The following UTP4 variants were observed in gnomAD, a reference collection of about 807,000 sequenced individuals.
UTP4 encodes U3 small nucleolar RNA-associated protein 4 homolog.
Under a neutral mutation model 82.4 loss-of-function variants are expected in UTP4, and 45 were observed. That is an observed-to-expected ratio of 0.55 (90% CI 0.43 to 0.70). UTP4 has a LOEUF of 0.70. Among genes scored for constraint, UTP4 ranks in the 30% least tolerant of loss-of-function variants. The pLI is 0.00. For missense variants in UTP4, 819 were observed against 858.3 expected (o/e 0.95, Z 0.57); for synonymous variants, 348 against 300.3 (o/e 1.16, Z -1.64).
At chr16:69,165,574 T>A in intron 15 of UTP4, 48 bp downstream of exon 15, 1 of 1,509,462 alleles carries the variant, frequency 6.6e-7, no homozygotes, top group Non-Finnish European at 9.2e-7. Flanking sequence ...AATCTTAAAG[T>A]TCTAAAAGCA....
At chr16:69,139,598 T>C (rs1962901817) in intron 4 of UTP4, 1 of 167,436 alleles carries the variant, frequency 6.0e-6, no homozygotes, top group Admixed American at 6.4e-5. Flanking sequence ...GAGATCCCAC[T>C]GCGGCACTCC....
intron 12 of UTP4, among the ~76,000 whole-genome samples, chr16:69,159,242 A>AT (rs938849860): frequency 3.2e-4 from 47 of 147,554 alleles, no homozygotes; most frequent in East Asian, 6.0e-4. Flanking sequence ...ACGCCCAGCT[A>AT]TTTTTTTTTT....
chr16:69,149,511 A>G (rs1322538317), intron 6 of UTP4, among the ~76,000 whole-genome samples: 1 of 151,952 alleles, frequency 6.6e-6, no homozygotes, highest in Non-Finnish European at 1.5e-5. Flanking sequence ...AGATCATGCC[A>G]CTGCCCTCCA....
At chr16:69,153,736 C>A in intron 9 of UTP4, 56 bp downstream of exon 9, 1 of 1,205,396 alleles carries the variant, frequency 8.3e-7, no homozygotes, top group Non-Finnish European at 1.2e-6. Flanking sequence ...AGCCAGAAAT[C>A]AGAATTGCGG....
At chr16:69,139,102 G>A (rs1417056241) in intron 4 of UTP4, 2 of 151,122 alleles carry the variant, frequency 1.3e-5, no homozygotes, top group Non-Finnish European at 2.9e-5. Flanking sequence ...CCTAGTAGCT[G>A]GGACTACAGG....
intron 6 of UTP4, among the ~76,000 whole-genome samples, chr16:69,148,630 T>G (rs1963183201): frequency 2.0e-5 from 3 of 151,236 alleles, no homozygotes; most frequent in African/African-American, 4.9e-5. Context: ...TTTTTTTTTT[T>G]GAGACACGGT....
intron 6 of UTP4, 116 bp downstream of exon 6, chr16:69,143,505 G>T (rs982193953): frequency 4.4e-5 from 41 of 927,576 alleles, no homozygotes; most frequent in Non-Finnish European, 6.0e-5. Context: ...TGTACTGGAG[G>T]AAGATGAGTT....
intron 16 of UTP4, among the ~76,000 whole-genome samples, chr16:69,168,433 CAAAAAAAAAAAAA>C (rs34234554): frequency 1.9e-5 from 1 of 51,604 alleles, no homozygotes; most frequent in Non-Finnish European, 3.8e-5. Context: ...GAGACTGTCT[CAAAAAAAAAAAAA>C]AAAAAAAAAA....
intron 3 of UTP4, among the ~76,000 whole-genome samples, chr16:69,137,306 C>G (rs1962836810): frequency 6.6e-6 from 1 of 152,116 alleles, no homozygotes; most frequent in Non-Finnish European, 1.5e-5. Flanking sequence ...GTGTTTCAGC[C>G]CAGTGTTTCT....
At chr16:69,133,695 T>C in intron 2 of UTP4, 77 bp downstream of exon 2, 1 of 1,465,342 alleles carries the variant, frequency 6.8e-7, no homozygotes, top group South Asian at 1.1e-5. Flanking sequence ...ATGTCTTTTA[T>C]AATCAAACTG....
intron 14 of UTP4, 124 bp from the exon 15 acceptor site, chr16:69,165,217 A>C: frequency 2.6e-6 from 2 of 764,220 alleles, no homozygotes; most frequent in Non-Finnish European, 2.1e-6. Context: ...AAGTGTTGGG[A>C]GAGCATAGAA....
At chr16:69,137,727 GGT>G (rs3217261) in intron 3 of UTP4, 72 bp from the exon 4 acceptor site, 38,510 of 785,958 alleles carry the variant, frequency 0.049, 1,092 homozygotes, top group South Asian at 0.075. Flanking sequence ...TGTGTTGGGG[GGT>G]GTGTGTGTGT....
intron 6 of UTP4, among the ~76,000 whole-genome samples, chr16:69,149,249 G>T (rs759045201): frequency 6.6e-6 from 1 of 152,016 alleles, no homozygotes; most frequent in African/African-American, 2.4e-5. Flanking sequence ...GCATGGTGGC[G>T]CACGCCTGTA....
chr16:69,132,901 G>C (rs1054192357), intron 1 of UTP4: 2 of 209,878 alleles, frequency 9.5e-6, no homozygotes, highest in Non-Finnish European at 1.9e-5. Context: ...GAACGCGCTT[G>C]CTCTGTCTGC....
At chr16:69,136,641 G>GT (rs1177645990) in intron 2 of UTP4, 55 bp from the exon 3 acceptor site, 1 of 1,579,824 alleles carries the variant, frequency 6.3e-7, no homozygotes, top group East Asian at 2.2e-5. Flanking sequence ...TGACCACTCA[G>GT]TACCGGTACC....
Position 69,143,325 on chromosome 16 carries a change from C to T in UTP4, c.674C>T (p.Thr225Ile), listed in dbSNP as rs759411166. 3.1e-6 allele frequency: 5 copies of T among 1,614,080 alleles called. No homozygotes were observed. Among genetic ancestry groups the T allele is most frequent in the Admixed American group, 1.7e-5 (1 of 60,006 alleles). Residue 225 changes from threonine (T) to isoleucine (I), a missense_variant, in exon 6 of 17, where the codon ACT becomes ATT. By Grantham distance (89) the Thr-to-Ile change is moderately conservative. Transcript: ENST00000314423. ...AAGGTGCAGTTCTGGGACTCAGCCA[C>T]TGGGACGCTTGTGAAGAGCCATCTC... ...AGKVQFWDSA[T>I]GTLVKSHLIA...
In UTP4 at chr16:69,133,454, CT is replaced by C; in HGVS notation, c.-2-3del. On this transcript the variant is annotated splice_polypyrimidine_tract_variant and splice_region_variant and intron_variant, in intron 1 of 16. Transcript: ENST00000314423. ...GCAATAATGACTCTCTTTTCGCCCC[CT>C]AGGAATGGGTGAATTTAAGGTCCAT... 1 of 1,614,018 alleles carries C rather than the reference CT, an allele frequency of 6.2e-7. No individual in the cohort carries two copies. The highest frequency in any genetic ancestry group is 8.5e-7 in the Non-Finnish European group (1 of 1,179,928).
At chr16:69,151,325 C>CTTT (rs75659040) in intron 8 of UTP4, among the ~76,000 whole-genome samples, 5 of 124,768 alleles carry the variant, frequency 4.0e-5, no homozygotes, top group Admixed American at 8.3e-5. Context: ...CTTTTTTTTT[C>CTTT]TTTTTTTTTT....
intron 9 of UTP4, among the ~76,000 whole-genome samples, 187 bp from the exon 10 acceptor site, chr16:69,154,206 A>C (rs1189888537): frequency 1.3e-5 from 2 of 152,198 alleles, no homozygotes; most frequent in African/African-American, 4.8e-5. Flanking sequence ...GGATAGAAGC[A>C]AAAGAAGTAC....
Sources: gnomAD v4.1 joint callset for allele counts (sites outside exome capture counted in the v4.1 genomes callset) on GRCh38, gnomAD v4.1.1 for gene constraint, MANE v1.5 for transcripts, NCBI Gene and HGNC (gene_info 2026-07-23, HGNC 2026-07-21) for gene names.